The following ZNF254 variants were observed in gnomAD, a reference collection of about 807,000 sequenced individuals.
The protein encoded by ZNF254 is CTD-2017D11.1.
Under a neutral mutation model 12.4 loss-of-function variants are expected in ZNF254, and 10 were observed. That is an observed-to-expected ratio of 0.80 (90% CI 0.50 to 1.36). The LOEUF is 1.36. Ranked by LOEUF, ZNF254 falls within the 40% of genes most tolerant of loss-of-function variation. The pLI is 0.00. For missense variants in ZNF254, 996 were observed against 763.9 expected (o/e 1.30, Z -3.58); for synonymous variants, 305 against 253.4 (o/e 1.20, Z -1.93).
chr19:24,034,448 G>C (rs1353068587), intron 1 of ZNF254, among the ~76,000 whole-genome samples: 1 of 147,584 alleles, frequency 6.8e-6, no homozygotes, highest in East Asian at 2.0e-4. Flanking sequence ...GTTGTTTCTA[G>C]ATTTTGTGAT....
intron 2 of ZNF254, among the ~76,000 whole-genome samples, chr19:24,058,090 C>T (rs1970928548): frequency 6.6e-6 from 1 of 152,288 alleles, no homozygotes. Context: ...TAACATATCT[C>T]AGAGCCTTGC....
intron 1 of ZNF254, chr19:24,033,649 A>G: frequency 2.8e-6 from 1 of 361,762 alleles, no homozygotes; most frequent in South Asian, 2.1e-5. Flanking sequence ...GGCATCCCGA[A>G]AGGAGAGAGC....
At chr19:24,105,525 C>G (rs1245138763) in intron 1 of ZNF254, 1 of 218,454 alleles carries the variant, frequency 4.6e-6, no homozygotes, top group Non-Finnish European at 9.0e-6. Context: ...AACAAGATGT[C>G]CAGTTTATTG....
chr19:24,111,896 G>A (rs1192574205), intron 3 of ZNF254, among the ~76,000 whole-genome samples: 3 of 152,214 alleles, frequency 2.0e-5, no homozygotes, highest in Admixed American at 2.0e-4. Context: ...CCATTTTGTA[G>A]GTTGCCTGTT....
At chr19:24,067,267 G>C (rs1249496659) in intron 2 of ZNF254, among the ~76,000 whole-genome samples, 6 of 151,832 alleles carry the variant, frequency 4.0e-5, no homozygotes, top group Non-Finnish European at 7.4e-5. Context: ...CTTTGGGCCT[G>C]GGTCATGCTA....
chr19:24,094,168 A>G (rs972035382), intron 1 of ZNF254, among the ~76,000 whole-genome samples: 1 of 152,036 alleles, frequency 6.6e-6, no homozygotes, highest in African/African-American at 2.4e-5. Flanking sequence ...GAGCTTTTCT[A>G]TGAAGACTAT....
At chr19:24,094,645 C>A (rs1282093632) in intron 1 of ZNF254, among the ~76,000 whole-genome samples, 2 of 151,844 alleles carry the variant, frequency 1.3e-5, no homozygotes, top group Non-Finnish European at 2.9e-5. Flanking sequence ...GAGAAGGCAT[C>A]TTTGCCTTGT....
At position 24,126,859 on chromosome 19, in the gene ZNF254, A is replaced by G. The variant is rs939351591; in HGVS notation, c.859A>G (p.Ile287Val). ...RSSNLTTHKI[I>V]HTGEKPYKCE... The stretch of plus-strand genomic sequence containing the variant: ...CTCAAATCTTACTACACATAAGATA[A>G]TTCATACTGGAGAGAAACCTTACAA... The change falls in exon 4 of 4, where the codon ATT (isoleucine) becomes GTT (valine). Residue 287 changes from isoleucine (I) to valine (V), a missense_variant. Ile to Val is a conservative substitution (Grantham distance 29). Coordinates refer to ENST00000357002, the MANE Select transcript of ZNF254 (RefSeq NM_203282.4). 11 of 1,613,486 alleles carry G rather than the reference A, an allele frequency of 6.8e-6. No homozygotes were observed. The highest frequency in any genetic ancestry group is 1.3e-5 in the African/African-American group (1 of 74,928).
chr19:24,052,745 G>A (rs1970695953), intron 2 of ZNF254, among the ~76,000 whole-genome samples: 1 of 152,164 alleles, frequency 6.6e-6, no homozygotes, highest in African/African-American at 2.4e-5. Context: ...GCCCCAAAAG[G>A]CAGGTGATGT....
intron 3 of ZNF254, among the ~76,000 whole-genome samples, chr19:24,120,955 T>A (rs183399826): frequency 6.6e-6 from 1 of 152,224 alleles, no homozygotes; most frequent in East Asian, 1.9e-4. Context: ...TTCAGGCTGA[T>A]CTGAATCTCC....
intron 2 of ZNF254, among the ~76,000 whole-genome samples, chr19:24,051,495 T>C (rs754895020): frequency 6.6e-6 from 1 of 152,134 alleles, no homozygotes; most frequent in Non-Finnish European, 1.5e-5. Context: ...CTTCTTGGGG[T>C]ATTGTGATAT....
chr19:24,123,103 G>A (rs964015124), intron 3 of ZNF254, among the ~76,000 whole-genome samples: 1 of 150,732 alleles, frequency 6.6e-6, no homozygotes, highest in African/African-American at 2.4e-5. Context: ...CATTCATTAA[G>A]TCTGTCTGTT....
intron 2 of ZNF254, chr19:24,066,474 GGCATTGT>G (rs951996440): frequency 2.1e-4 from 32 of 152,156 alleles, no homozygotes; most frequent in African/African-American, 7.7e-4. Flanking sequence ...GCCCACTTGG[GGCATTGT>G]GACATATTGC....
At chr19:24,117,674 C>T (rs1364506961) in intron 3 of ZNF254, among the ~76,000 whole-genome samples, 4 of 152,044 alleles carry the variant, frequency 2.6e-5, no homozygotes, top group Admixed American at 6.6e-5. Context: ...AGCCCTGCTT[C>T]GGCTCTTCCA....
chr19:24,096,452 A>C (rs1254216596), intron 1 of ZNF254, among the ~76,000 whole-genome samples: 1 of 152,042 alleles, frequency 6.6e-6, no homozygotes, highest in Admixed American at 6.6e-5. Context: ...AGGTTGTTTA[A>C]TTTTTATGTA....
In ZNF254 at chr19:24,110,742, G is replaced by A. The variant is rs970760307; in HGVS notation, c.253+4099G>A. ...ACCCTTCCACCTTCTGTTTTTATGAGTGTAATTACTTTAAATATTTATATA... is the reference window on the plus strand; with the variant it reads ...ACCCTTCCACCTTCTGTTTTTATGAATGTAATTACTTTAAATATTTATATA... On this transcript the variant is annotated intron_variant, in intron 3 of 3. Coordinates refer to ENST00000357002, the MANE Select transcript of ZNF254 (RefSeq NM_203282.4). Among the ~76,000 whole-genome samples the A allele has an allele frequency of 4.6e-5, 7 of 151,882 alleles. No homozygotes were observed. In the East Asian group the frequency reaches 5.8e-4, roughly 13 times the overall value.
chr19:24,088,846 C>G (rs1015220518), intron 1 of ZNF254, among the ~76,000 whole-genome samples: 13 of 151,576 alleles, frequency 8.6e-5, no homozygotes, highest in Non-Finnish European at 1.8e-4. Flanking sequence ...TAGTAGAGAC[C>G]GGGCTTCACT....
chr19:24,106,217 T>C, intron 2 of ZNF254, 151 bp downstream of exon 2: 1 of 1,072,404 alleles, frequency 9.3e-7, no homozygotes, highest in Non-Finnish European at 1.3e-6. Flanking sequence ...TCAAGATGTT[T>C]CATCTTGACC....
At chr19:24,049,215 T>TATATATATATATATA (rs1491192531) in intron 2 of ZNF254, among the ~76,000 whole-genome samples, 8 of 26,628 alleles carry the variant, frequency 3.0e-4, no homozygotes, top group African/African-American at 6.1e-4. Context: ...TATATATATA[T>TATATATATATATATA]TTTTTTTTTT....
Sources: gnomAD v4.1 joint callset for allele counts (sites outside exome capture counted in the v4.1 genomes callset) on GRCh38, gnomAD v4.1.1 for gene constraint, MANE v1.5 for transcripts, NCBI Gene and HGNC (gene_info 2026-07-23, HGNC 2026-07-21) for gene names.